Variants in LNX1 observed in about 807,000 individuals in gnomAD.
LNX1 encodes E3 ubiquitin-protein ligase LNX.
LNX1 carries 54 observed loss-of-function variants against 68.4 expected under a neutral mutation model. The ratio of observed to expected loss-of-function variants is 0.79; its 90% CI spans 0.63 to 0.99. LNX1 has a LOEUF of 0.99. LNX1 is among the 50% of genes least tolerant of loss of function. The pLI, the probability that LNX1 is intolerant of heterozygous loss-of-function variation, is 0.00. For missense variants in LNX1, 906 were observed against 926.4 expected, an observed-to-expected ratio of 0.98 and a Z score of 0.29; for synonymous variants, 336 against 350.0, an observed-to-expected ratio of 0.96 and a Z score of 0.45.
chr4:53,568,070 A>G (rs1302244290), intron 2 of LNX1, among the ~76,000 whole-genome samples: 4 of 152,176 alleles, frequency 2.6e-5, no homozygotes, highest in Non-Finnish European at 4.4e-5. Flanking sequence ...CAGAGGTACA[A>G]GGAGGAACTG....
chr4:53,476,526 A>AAC (rs1723571346), intron 9 of LNX1, among the ~76,000 whole-genome samples: 1 of 152,142 alleles, frequency 6.6e-6, no homozygotes, highest in East Asian at 1.9e-4. Flanking sequence ...CCTCAACCTG[A>AAC]ACGCCAAACA....
chr4:53,568,826 A>T (rs1414986221), intron 2 of LNX1, among the ~76,000 whole-genome samples: 2 of 152,166 alleles, frequency 1.3e-5, no homozygotes, highest in African/African-American at 4.8e-5. Context: ...TCAGGACACA[A>T]AATCAATGTG....
chr4:53,601,503 C>T (rs1378064479), intron 2 of LNX1, among the ~76,000 whole-genome samples: 1 of 152,202 alleles, frequency 6.6e-6, no homozygotes, highest in Non-Finnish European at 1.5e-5. Flanking sequence ...GATTAGGCTG[C>T]ACCTGGACCA....
intron 2 of LNX1, among the ~76,000 whole-genome samples, chr4:53,559,680 C>T (rs900391471): frequency 6.6e-6 from 1 of 152,036 alleles, no homozygotes; most frequent in Non-Finnish European, 1.5e-5. Context: ...GGGGGTCTTG[C>T]TCTGTCACCC....
At chr4:53,584,488 TAG>T (rs1395166371) in intron 1 of LNX1, among the ~76,000 whole-genome samples, 1 of 151,970 alleles carries the variant, frequency 6.6e-6, no homozygotes, top group East Asian at 1.9e-4. Context: ...GGAGAGACAA[TAG>T]AGAGTGCATG....
chr4:53,481,866 GAC>G lies in LNX1; in HGVS notation c.1351-14_1351-13del. 6.4e-7 allele frequency: 1 copy of G among 1,573,202 alleles called. No individual in the cohort carries two copies. The highest frequency in any genetic ancestry group is 1.2e-5 in the South Asian group (1 of 86,374). On this transcript the variant is annotated splice_polypyrimidine_tract_variant and intron_variant, in intron 6 of 10. Transcript: ENST00000263925. ...CGTCTTTCACTGGCCTGGGCAAGAAGACACAGGCATTAGCCACTGTCAGTTTC... is the reference window on the plus strand; with the variant it reads ...CGTCTTTCACTGGCCTGGGCAAGAAGACAGGCATTAGCCACTGTCAGTTTC...
intron 1 of LNX1, among the ~76,000 whole-genome samples, chr4:53,589,063 A>G (rs1732346005): frequency 6.6e-6 from 1 of 152,314 alleles, no homozygotes; most frequent in South Asian, 2.1e-4. Flanking sequence ...TATCTGTGAG[A>G]CTGGAGGAGA....
intron 2 of LNX1, among the ~76,000 whole-genome samples, chr4:53,600,017 G>T (rs1732926368): frequency 1.3e-5 from 2 of 152,164 alleles, no homozygotes; most frequent in Admixed American, 1.3e-4. Context: ...TTAAGGTAGA[G>T]TTGGCAGCTC....
chr4:53,469,994 G>A (rs1329265986), intron 9 of LNX1, among the ~76,000 whole-genome samples: 1 of 152,116 alleles, frequency 6.6e-6, no homozygotes, highest in Non-Finnish European at 1.5e-5. Flanking sequence ...CATTTTATGA[G>A]GCCAGCATTA....
intron 6 of LNX1, 142 bp downstream of exon 6, chr4:53,495,881 T>G: frequency 1.0e-6 from 1 of 1,004,224 alleles, no homozygotes; most frequent in South Asian, 1.6e-5. Context: ...TTTGAAAATG[T>G]TGGTCTTTCC....
chr4:53,488,751 CT>C (rs1724490486), intron 6 of LNX1, among the ~76,000 whole-genome samples: 1 of 152,150 alleles, frequency 6.6e-6, no homozygotes, highest in Admixed American at 6.5e-5. Flanking sequence ...CAGCCCACCC[CT>C]GAGACCACAT....
intron 2 of LNX1, among the ~76,000 whole-genome samples, chr4:53,533,014 A>G (rs1254852677): frequency 2.0e-5 from 3 of 152,226 alleles, no homozygotes; most frequent in Non-Finnish European, 4.4e-5. Flanking sequence ...CAGCACAGAC[A>G]TTACCTCCAA....
Position 53,520,839 on chromosome 4 carries a change from G to A in LNX1, c.381-12612C>T, listed in dbSNP as rs7676184. On this transcript the variant is annotated intron_variant, in intron 2 of 10. Coordinates refer to ENST00000263925, the MANE Select transcript of LNX1 (RefSeq NM_001126328.3). ...TAGTTGGGTGTGGTGGTGAGTGCCT[G>A]TAATCCCAGCTACTTGGGAGGCTGA... Among the ~76,000 whole-genome samples the A allele has an allele frequency of 3.1e-3, 478 of 152,252 alleles. 1 individual carries two copies. Among genetic ancestry groups the A allele is most frequent in the African/African-American group, 9.5e-3 (395 of 41,546 alleles).
chr4:53,524,621 T>C (rs1377304068), intron 2 of LNX1, among the ~76,000 whole-genome samples: 1 of 152,226 alleles, frequency 6.6e-6, no homozygotes, highest in Non-Finnish European at 1.5e-5. Flanking sequence ...ACGCTCTTTC[T>C]AGAACCACTC....
At chr4:53,584,569 C>A (rs113885431) in intron 1 of LNX1, among the ~76,000 whole-genome samples, 101 of 152,198 alleles carry the variant, frequency 6.6e-4, no homozygotes, top group Non-Finnish European at 1.2e-3. Flanking sequence ...ATGATAAATG[C>A]GATCTGGACA....
chr4:53,518,951 G>A (rs1201741164), intron 2 of LNX1, among the ~76,000 whole-genome samples: 1 of 152,216 alleles, frequency 6.6e-6, no homozygotes, highest in African/African-American at 2.4e-5. Context: ...CTGTCATAAC[G>A]GGGTTGGCAT....
upstream of LNX1, chr4:53,592,919 T>A (rs947627048): frequency 6.6e-6 from 1 of 152,050 alleles, no homozygotes; most frequent in Non-Finnish European, 1.5e-5. Flanking sequence ...GTGCTCGACC[T>A]CAGGGGAGCT....
At chr4:53,627,767 C>T (rs1734131954) in intron 1 of LNX1, among the ~76,000 whole-genome samples, 1 of 152,176 alleles carries the variant, frequency 6.6e-6, no homozygotes, top group South Asian at 2.1e-4. Context: ...CACCTGCTAA[C>T]CCTCTATTGA....
chr4:53,557,049 A>G (rs1486575884), intron 2 of LNX1, among the ~76,000 whole-genome samples: 1 of 152,244 alleles, frequency 6.6e-6, no homozygotes, highest in Non-Finnish European at 1.5e-5. Flanking sequence ...CACTTTTCAT[A>G]TGATTGCTAG....
Sources: gnomAD v4.1 joint callset for allele counts (sites outside exome capture counted in the v4.1 genomes callset) on GRCh38, gnomAD v4.1.1 for gene constraint, MANE v1.5 for transcripts, NCBI Gene and HGNC (gene_info 2026-07-23, HGNC 2026-07-21) for gene names.